The following UNC13C variants were observed in gnomAD, a reference collection of about 807,000 sequenced individuals.
The protein encoded by UNC13C is unc-13 homolog C, also known as protein unc-13 homolog C.
A neutral mutation model predicts 245.4 loss-of-function variants in UNC13C; 174 were observed. That is an observed-to-expected ratio of 0.71 (90% CI 0.63 to 0.80). The LOEUF is 0.80. Ranked by LOEUF, UNC13C falls within the 30% of genes least tolerant of loss-of-function variation. The pLI is 0.00. For synonymous variants in UNC13C, 992 were observed against 895.1 expected, an observed-to-expected ratio of 1.11 and a Z score of -1.93; for missense variants, 2,829 against 2,602.9, an observed-to-expected ratio of 1.09 and a Z score of -1.89.
chr15:54,344,280 A>G lies in UNC13C; in HGVS notation c.4713+5791A>G, dbSNP rs544675191. Among the ~76,000 whole-genome samples the G allele has an allele frequency of 3.0e-3, 463 of 152,312 alleles. 7 individuals are homozygous for G. The highest frequency in any genetic ancestry group is 0.011 in the African/African-American group (443 of 41,566). On this transcript the variant is annotated intron_variant, in intron 17 of 32. Transcript: ENST00000260323. Reference sequence around the variant, plus strand: ...TAAATAATAACAACAACAATGATAAACGAACAGTTTATTTCTGTAAGAGAG... The same window carrying G: ...TAAATAATAACAACAACAATGATAAGCGAACAGTTTATTTCTGTAAGAGAG...
chr15:54,399,606 T>C (rs954905537), intron 18 of UNC13C, among the ~76,000 whole-genome samples: 1 of 151,876 alleles, frequency 6.6e-6, no homozygotes, highest in Non-Finnish European at 1.5e-5. Context: ...ATTTTCTCTC[T>C]GCATTAAGTG....
downstream of UNC13C, chr15:54,628,617 T>TATC (rs1434160639): frequency 8.5e-5 from 13 of 152,518 alleles, 1 homozygote; most frequent in Admixed American, 5.9e-4. Flanking sequence ...CATTGTATTG[T>TATC]ATCTTCTGCC....
At chr15:54,423,841 A>C (rs1005920850) in intron 19 of UNC13C, among the ~76,000 whole-genome samples, 1 of 151,952 alleles carries the variant, frequency 6.6e-6, no homozygotes, top group African/African-American at 2.4e-5. Flanking sequence ...TCAGCCATGT[A>C]CCATCTGGGA....
chr15:54,004,326 A>G (rs1435174347), intron 1 of UNC13C, among the ~76,000 whole-genome samples: 1 of 152,230 alleles, frequency 6.6e-6, no homozygotes, highest in Non-Finnish European at 1.5e-5. Context: ...ATATTGTTGC[A>G]AATGACAGGA....
the UNC13C span, among the ~76,000 whole-genome samples, chr15:53,962,447 G>C: frequency 1.3e-5 from 2 of 151,922 alleles, no homozygotes; most frequent in African/African-American, 4.8e-5. Context: ...TATATTATTT[G>C]AAATTATTTT....
chr15:54,079,408 A>T (rs535365932), intron 2 of UNC13C, among the ~76,000 whole-genome samples: 2 of 152,110 alleles, frequency 1.3e-5, no homozygotes, highest in Non-Finnish European at 2.9e-5. Context: ...TGGACAGTAT[A>T]GTCATTTTAA....
chr15:54,221,244 A>G (rs1339215737), intron 4 of UNC13C, among the ~76,000 whole-genome samples: 1 of 152,050 alleles, frequency 6.6e-6, no homozygotes, highest in Non-Finnish European at 1.5e-5. Context: ...TATTTTTTTC[A>G]CAATGTTGTA....
intron 2 of UNC13C, among the ~76,000 whole-genome samples, chr15:54,127,356 G>A (rs1002384661): frequency 6.6e-6 from 1 of 152,108 alleles, no homozygotes; most frequent in Non-Finnish European, 1.5e-5. Context: ...ACATATACAC[G>A]ATGGAATACT....
chr15:54,338,573 A>G, intron 17 of UNC13C, 84 bp downstream of exon 17: 1 of 1,448,768 alleles, frequency 6.9e-7, no homozygotes, highest in Non-Finnish European at 9.4e-7. Context: ...AGTAAATAGA[A>G]AAGTATGTTC....
the UNC13C span, among the ~76,000 whole-genome samples, chr15:53,903,546 A>T: frequency 6.6e-6 from 1 of 152,186 alleles, no homozygotes; most frequent in Non-Finnish European, 1.5e-5. Context: ...CAATTAGATC[A>T]TTTTGTCCTT....
the UNC13C span, among the ~76,000 whole-genome samples, chr15:53,909,696 A>G: frequency 6.8e-6 from 1 of 146,888 alleles, no homozygotes; most frequent in African/African-American, 2.4e-5. Flanking sequence ...CAGTGAGCCA[A>G]GAGTATTCTA....
intron 25 of UNC13C, among the ~76,000 whole-genome samples, chr15:54,529,848 G>C (rs1232383331): frequency 2.0e-5 from 3 of 151,982 alleles, no homozygotes; most frequent in Non-Finnish European, 4.4e-5. Flanking sequence ...CTCCTAAGTA[G>C]TTTTTCTTGC....
intron 24 of UNC13C, among the ~76,000 whole-genome samples, chr15:54,517,850 A>G (rs1402059092): frequency 1.3e-5 from 2 of 152,198 alleles, no homozygotes; most frequent in Non-Finnish European, 1.5e-5. Context: ...AAATGTGAAG[A>G]TATCCTTCAG....
At chr15:54,208,471 C>T (rs758279414) in intron 4 of UNC13C, among the ~76,000 whole-genome samples, 1 of 152,014 alleles carries the variant, frequency 6.6e-6, no homozygotes, top group East Asian at 1.9e-4. Context: ...TATTCATTCC[C>T]GTAGGATTTA....
chr15:53,839,501 T>G, the UNC13C span, among the ~76,000 whole-genome samples: 2 of 152,178 alleles, frequency 1.3e-5, no homozygotes, highest in Non-Finnish European at 2.9e-5. Flanking sequence ...AAGATAATTT[T>G]TTAAATAAAA....
chr15:54,477,419 C>G lies in UNC13C; in HGVS notation c.4934-17189C>G, dbSNP rs1319662038. ...AAAGGGAATGCTTCCAGTTTTTGCC[C>G]ATTCAGTATGATATTGGCTGTGGGT... On this transcript the variant is annotated intron_variant, in intron 19 of 32. Coordinates refer to ENST00000260323, the MANE Select transcript of UNC13C (RefSeq NM_001080534.3). Among the ~76,000 whole-genome samples, 2 of 106,372 alleles carry G rather than the reference C, an allele frequency of 1.9e-5. 1 individual carries two copies. The highest frequency in any genetic ancestry group is 8.7e-4 in the East Asian group (2 of 2,308). 69.8% of individuals were successfully genotyped at this position (106,372 alleles called of 152,430 possible).
At chr15:53,874,855 G>T in the UNC13C span, among the ~76,000 whole-genome samples, 2 of 152,100 alleles carry the variant, frequency 1.3e-5, no homozygotes, top group African/African-American at 4.8e-5. Flanking sequence ...CAGCACTTTG[G>T]GAGGCCAAGG....
Position 54,628,318 on chromosome 15 carries a change from T to TAA in UNC13C, c.*1206_*1207dup, listed in dbSNP as rs1555404696. 1 of 152,376 alleles carries TAA rather than the reference T, an allele frequency of 6.6e-6. No individual in the cohort carries two copies. The highest frequency in any genetic ancestry group is 1.5e-5 in the Non-Finnish European group (1 of 68,038). 9.4% of individuals were successfully genotyped at this position (152,376 alleles called of 1,614,324 possible). A position where few individuals can be genotyped will look rare whatever the true frequency, so the allele number is the denominator to read the frequency against. On this transcript the variant is annotated 3_prime_UTR_variant, in exon 33 of 33. Transcript: ENST00000260323. ...GCTGTAAAACAGTACTTTGTAATTATAACTTATGGTCATAACTGTTAGTGG... is the reference window on the plus strand; with the variant it reads ...GCTGTAAAACAGTACTTTGTAATTATAAAACTTATGGTCATAACTGTTAGTGG...
intron 2 of UNC13C, chr15:54,050,559 C>T: frequency 2.2e-6 from 1 of 447,086 alleles, no homozygotes; most frequent in Non-Finnish European, 4.5e-6. Flanking sequence ...CAAGTATTCT[C>T]CAGAGTGAGC....
Sources: gnomAD v4.1 joint callset for allele counts (sites outside exome capture counted in the v4.1 genomes callset) on GRCh38, gnomAD v4.1.1 for gene constraint, MANE v1.5 for transcripts, NCBI Gene and HGNC (gene_info 2026-07-23, HGNC 2026-07-21) for gene names.